Variants in ARK2N observed in about 807,000 individuals in gnomAD.
The protein encoded by ARK2N is protein ARK2N.
chr18:46,246,573 G>A, the ARK2N span, among the ~76,000 whole-genome samples: 191 of 148,982 alleles, frequency 1.3e-3, no homozygotes, highest in Non-Finnish European at 1.8e-3. Context: ...TCACGAGGCA[G>A]TCTGTATTTA....
At chr18:46,204,929 C>CTTTTTTTTTAT in the ARK2N span, among the ~76,000 whole-genome samples, 3 of 145,600 alleles carry the variant, frequency 2.1e-5, no homozygotes, top group Non-Finnish European at 3.0e-5. Context: ...TTTCTTTTTT[C>CTTTTTTTTTAT]TTTTTTTTTT....
the ARK2N span, among the ~76,000 whole-genome samples, chr18:46,200,986 T>C: frequency 3.6e-5 from 5 of 140,618 alleles, no homozygotes; most frequent in South Asian, 8.6e-4. Flanking sequence ...TTTCTTTTTT[T>C]TTTTTTTTTT....
the ARK2N span, among the ~76,000 whole-genome samples, chr18:46,204,254 A>G: frequency 3.0e-4 from 45 of 152,236 alleles, no homozygotes; most frequent in Middle Eastern, 3.4e-3. Context: ...TATATACCCT[A>G]TCACTTGATA....
chr18:46,229,428 A>G, the ARK2N span, among the ~76,000 whole-genome samples: 9 of 136,722 alleles, frequency 6.6e-5, no homozygotes, highest in Non-Finnish European at 1.4e-4. Flanking sequence ...GCTCACTGCA[A>G]GCTCCGTCTC....
chr18:46,245,633 C>G, the ARK2N span, among the ~76,000 whole-genome samples: 1 of 150,792 alleles, frequency 6.6e-6, no homozygotes, highest in South Asian at 2.1e-4. Context: ...GTTTTTAAAG[C>G]TAAATGAGTA....
the ARK2N span, among the ~76,000 whole-genome samples, chr18:46,200,636 A>C: frequency 6.6e-6 from 1 of 152,120 alleles, no homozygotes; most frequent in Non-Finnish European, 1.5e-5. Context: ...GGGCTTTGGC[A>C]CAGGTAGGGC....
the ARK2N span, among the ~76,000 whole-genome samples, chr18:46,247,708 T>C: frequency 6.6e-6 from 1 of 152,258 alleles, no homozygotes; most frequent in African/African-American, 2.4e-5. Context: ...CATCTTGCTC[T>C]GTCATCCTGG....
the ARK2N span, among the ~76,000 whole-genome samples, chr18:46,179,490 G>A: frequency 5.9e-5 from 9 of 152,148 alleles, no homozygotes; most frequent in Non-Finnish European, 7.4e-5. Context: ...TTACTTCTGT[G>A]TGGGCAGCTT....
the ARK2N span, among the ~76,000 whole-genome samples, chr18:46,234,308 C>T: frequency 6.6e-6 from 1 of 152,098 alleles, no homozygotes; most frequent in Non-Finnish European, 1.5e-5. Flanking sequence ...AGTGATTCTC[C>T]TGCCTCAGCC....
the ARK2N span, among the ~76,000 whole-genome samples, chr18:46,194,323 A>T: frequency 6.6e-6 from 1 of 150,704 alleles, no homozygotes; most frequent in Non-Finnish European, 1.5e-5. Flanking sequence ...TTAATAGGCC[A>T]GGTGCGGGGG....
chr18:46,247,030 A>G, the ARK2N span, among the ~76,000 whole-genome samples: 2 of 152,162 alleles, frequency 1.3e-5, no homozygotes, highest in African/African-American at 4.8e-5. Context: ...AAATACCAGC[A>G]GGTTTGGATT....
the ARK2N span, among the ~76,000 whole-genome samples, chr18:46,262,637 T>A: frequency 6.6e-6 from 1 of 152,078 alleles, no homozygotes; most frequent in Non-Finnish European, 1.5e-5. Context: ...TGTAAATGAG[T>A]CCAGAGAAAC....
the ARK2N span, among the ~76,000 whole-genome samples, chr18:46,258,376 T>C: frequency 1.3e-5 from 2 of 152,092 alleles, no homozygotes; most frequent in African/African-American, 4.8e-5. Flanking sequence ...GAGAGTAAAA[T>C]TGATTAATTT....
chr18:46,197,786 A>T, the ARK2N span, among the ~76,000 whole-genome samples: 1 of 152,212 alleles, frequency 6.6e-6, no homozygotes, highest in Non-Finnish European at 1.5e-5. Context: ...TGATATAAAT[A>T]GCATTTCTGA....
the ARK2N span, among the ~76,000 whole-genome samples, chr18:46,250,873 C>T: frequency 1.3e-5 from 2 of 152,178 alleles, no homozygotes; most frequent in African/African-American, 4.8e-5. Context: ...TTCTGTATGC[C>T]ACTTCCCCTC....
chr18:46,235,032 G>A, the ARK2N span, among the ~76,000 whole-genome samples: 1,877 of 152,198 alleles, frequency 0.012, 48 homozygotes, highest in African/African-American at 0.043. Context: ...AGAAAGGGAG[G>A]GGGGAATGAT....
the ARK2N span, among the ~76,000 whole-genome samples, chr18:46,258,303 C>G: frequency 6.6e-6 from 1 of 152,160 alleles, no homozygotes; most frequent in African/African-American, 2.4e-5. Context: ...TTCATTTCCT[C>G]TTCAGTTAGG....
chr18:46,199,440 T>G, the ARK2N span, among the ~76,000 whole-genome samples: 2 of 151,092 alleles, frequency 1.3e-5, no homozygotes, highest in Non-Finnish European at 2.9e-5. Context: ...CTCAGTCTCC[T>G]GAGTAGCTGG....
chr18:46,203,389 TAAAAG>T, the ARK2N span, among the ~76,000 whole-genome samples: 1 of 151,990 alleles, frequency 6.6e-6, no homozygotes, highest in Non-Finnish European at 1.5e-5. Context: ...GACACGAAAA[TAAAAG>T]AACAGGCAAA....
Sources: gnomAD v4.1 joint callset for allele counts (sites outside exome capture counted in the v4.1 genomes callset) on GRCh38, gnomAD v4.1.1 for gene constraint, MANE v1.5 for transcripts, NCBI Gene and HGNC (gene_info 2026-07-23, HGNC 2026-07-21) for gene names.